Variants in CUX2 observed in about 807,000 individuals in gnomAD.
CUX2 encodes cut like homeobox 2.
In CUX2, 40 loss-of-function variants were observed where a neutral mutation model predicts 144.8. The ratio of observed to expected loss-of-function variants is 0.28; its 90% confidence interval spans 0.21 to 0.36. CUX2 has a LOEUF of 0.36. Ranked by LOEUF, CUX2 falls within the 10% of genes least tolerant of loss-of-function variation. CUX2 has a pLI of 1.00. For missense variants in CUX2, 1,615 were observed against 1,994.0 expected, an observed-to-expected ratio of 0.81 and a Z score of 3.62; for synonymous variants, 827 against 875.6, an observed-to-expected ratio of 0.94 and a Z score of 0.98.
rs775651760 is a variant in CUX2 at position 111,293,540 on chromosome 12, G to A, written c.531G>A (p.Leu177=). 1 of 1,594,746 alleles carries A rather than the reference G, an allele frequency of 6.3e-7. No individual in the cohort carries two copies. The highest frequency in any genetic ancestry group is 8.5e-7 in the Non-Finnish European group (1 of 1,172,504). ...GGAAAGCCCTCCTGACAGAAACCTTGCTGCAGAGAAATGAGGCGGAAAAAC... is the reference window on the plus strand; with the variant it reads ...GGAAAGCCCTCCTGACAGAAACCTTACTGCAGAGAAATGAGGCGGAAAAAC... ...IPGKALLTET[L]LQRNEAEKQK... The change falls in exon 6 of 22, where the codon TTG becomes TTA. Residue 177 remains leucine, a synonymous_variant. Transcript: ENST00000261726. This position sits in a 1 kb window ranked among gnomAD's most constrained non-coding sequence, Gnocchi z 4.5.
intron 1 of CUX2, among the ~76,000 whole-genome samples, chr12:111,119,896 A>G (rs570057123): frequency 8.5e-5 from 13 of 152,246 alleles, no homozygotes; most frequent in South Asian, 4.1e-4. Flanking sequence ...TGTCTCTACT[A>G]AAAATACAAA....
At chr12:111,089,395 C>CA (rs1213560613) in intron 1 of CUX2, among the ~76,000 whole-genome samples, 4 of 152,078 alleles carry the variant, frequency 2.6e-5, no homozygotes, top group African/African-American at 7.2e-5. Flanking sequence ...CTGTAGGGGA[C>CA]AAAAAATGCT....
At chr12:111,049,416 A>G (rs1870159711) in intron 1 of CUX2, among the ~76,000 whole-genome samples, 1 of 152,234 alleles carries the variant, frequency 6.6e-6, no homozygotes, top group African/African-American at 2.4e-5. Flanking sequence ...TAAAGATGAA[A>G]AGAAAGCAGT....
chr12:111,289,808 T>C lies in CUX2; in HGVS notation c.302-1610T>C, dbSNP rs1885577723. Reference sequence around the variant, plus strand: ...GGTCCACCGAGAAGCACACCAAGGATTACATGGGAGAGGATATTGGTGCAA... The same window carrying C: ...GGTCCACCGAGAAGCACACCAAGGACTACATGGGAGAGGATATTGGTGCAA... On this transcript the variant is annotated intron_variant, in intron 4 of 21. Transcript: ENST00000261726. The surrounding 1 kb of genome is among the most constrained non-coding windows in gnomAD (Gnocchi z 4.1). Among the ~76,000 whole-genome samples the C allele has an allele frequency of 7.0e-6, 1 of 143,364 alleles. No homozygotes were observed. Among genetic ancestry groups the C allele is most frequent in the Admixed American group, 7.1e-5 (1 of 14,088 alleles). 94.1% of individuals were successfully genotyped at this position (143,364 alleles called of 152,430 possible).
chr12:111,070,862 A>G (rs2136030286), intron 1 of CUX2, among the ~76,000 whole-genome samples: 1 of 152,276 alleles, frequency 6.6e-6, no homozygotes, highest in East Asian at 1.9e-4. Context: ...ATCATACAGT[A>G]TGTAGCCTTT....
At chr12:111,188,076 G>C (rs1879659401) in intron 1 of CUX2, among the ~76,000 whole-genome samples, 1 of 152,268 alleles carries the variant, frequency 6.6e-6, no homozygotes, top group South Asian at 2.1e-4. Flanking sequence ...ATCGATGACA[G>C]CTGAGTGGCA....
intron 1 of CUX2, among the ~76,000 whole-genome samples, chr12:111,156,120 T>C (rs1877357997): frequency 6.6e-6 from 1 of 152,126 alleles, no homozygotes; most frequent in Admixed American, 6.5e-5. Context: ...TTAATAGTCG[T>C]TCCAAATGAA....
chr12:111,138,768 C>T (rs1183106961), intron 1 of CUX2, among the ~76,000 whole-genome samples: 1 of 152,086 alleles, frequency 6.6e-6, no homozygotes, highest in African/African-American at 2.4e-5. Context: ...CCATCCCACC[C>T]TAGGGGCAGC....
intron 3 of CUX2, among the ~76,000 whole-genome samples, chr12:111,242,728 C>T (rs368710529): frequency 8.5e-5 from 13 of 152,230 alleles, no homozygotes; most frequent in East Asian, 5.8e-4. Flanking sequence ...GCAGGAGAAT[C>T]GCTTGAACCT....
At chr12:111,258,912 A>G (rs756230951) in intron 3 of CUX2, among the ~76,000 whole-genome samples, 4 of 152,040 alleles carry the variant, frequency 2.6e-5, no homozygotes, top group Admixed American at 6.6e-5. Context: ...TCCAGGCTAG[A>G]GTGCAGTGAC....
At chr12:111,050,670 C>CCAT (rs1870219957) in intron 1 of CUX2, among the ~76,000 whole-genome samples, 2 of 152,132 alleles carry the variant, frequency 1.3e-5, no homozygotes, top group Admixed American at 1.3e-4. Context: ...CTCCTGCATC[C>CCAT]CATCTCCTAC....
At chr12:111,106,023 C>T (rs1023282179) in intron 1 of CUX2, among the ~76,000 whole-genome samples, 2 of 151,990 alleles carry the variant, frequency 1.3e-5, no homozygotes, top group African/African-American at 4.8e-5. Context: ...TGCCACCACG[C>T]CTGGCTAATA....
chr12:111,160,848 G>A lies in CUX2; in HGVS notation c.64-53352G>A, dbSNP rs191895663. ...GATGGAATGAATGAAGATGACTCCC[G>A]GGCTCCTGGCCTGAACAGCTGGGTG... On this transcript the variant is annotated intron_variant, in intron 1 of 21. Coordinates refer to ENST00000261726, the MANE Select transcript of CUX2 (RefSeq NM_015267.4). This position sits in a 1 kb window ranked among gnomAD's most constrained non-coding sequence, Gnocchi z 4.1. Among the ~76,000 whole-genome samples, 138 of 152,276 alleles carry A rather than the reference G, an allele frequency of 9.1e-4. No individual in the cohort carries two copies. The highest frequency in any genetic ancestry group is 6.8e-3 in the Middle Eastern group (2 of 294).
chr12:111,204,812 T>G (rs1034955960), intron 1 of CUX2, among the ~76,000 whole-genome samples: 2 of 152,132 alleles, frequency 1.3e-5, no homozygotes, highest in Non-Finnish European at 2.9e-5. Flanking sequence ...TATGGGGCAG[T>G]TGTTATCCTG....
At chr12:111,347,389 T>C (rs552284074) in intron 21 of CUX2, 135 bp from the exon 22 acceptor site, 7 of 742,542 alleles carry the variant, frequency 9.4e-6, no homozygotes, top group African/African-American at 3.5e-5. Context: ...CTTAATAAGA[T>C]GGTGCAAGTA....
Position 111,289,454 on chromosome 12 carries a change from G to A in CUX2, c.302-1964G>A, listed in dbSNP as rs1043669188. ...AGCCTCCAGGGGATGCCGTGAGGAT[G>A]CTGGGAAGCCAGTCCTGTGCATGGG... On this transcript the variant is annotated intron_variant, in intron 4 of 21. Transcript: ENST00000261726. The surrounding 1 kb of genome is among the most constrained non-coding windows in gnomAD (Gnocchi z 4.1). Among the ~76,000 whole-genome samples, 7 of 152,186 alleles carry A rather than the reference G, an allele frequency of 4.6e-5. No individual in the cohort carries two copies. Among genetic ancestry groups the A allele is most frequent in the African/African-American group, 1.4e-4 (6 of 41,454 alleles).
At chr12:111,172,338 A>G (rs902301265) in intron 1 of CUX2, among the ~76,000 whole-genome samples, 2 of 152,230 alleles carry the variant, frequency 1.3e-5, no homozygotes, top group African/African-American at 4.8e-5. Context: ...GGGTTGAGGG[A>G]ACCAGCCACC....
At chr12:111,183,312 T>C (rs112150856) in intron 1 of CUX2, among the ~76,000 whole-genome samples, 3,791 of 152,324 alleles carry the variant, frequency 0.025, 176 homozygotes, top group African/African-American at 0.087. Context: ...CATTTGGGCC[T>C]CCAAGCCTGC....
At position 111,342,185 on chromosome 12, in the gene CUX2, A is replaced by G. The variant is rs369165931; in HGVS notation, c.3659+132A>G. On this transcript the variant is annotated intron_variant, in intron 21 of 21. Transcript: ENST00000261726. The stretch of plus-strand genomic sequence containing the variant: ...GACCCCATCACATAGGCACTTAGAT[A>G]TAGAACACAGGCCCAAGTGCAGTGG... The G allele has an allele frequency of 2.3e-5, 25 of 1,092,666 alleles. No homozygotes were observed. In the African/African-American group the frequency reaches 3.8e-4, roughly 17 times the overall value. The allele number at this position is 1,092,666 out of a possible 1,614,324, so 67.7% of individuals were successfully genotyped here.
Sources: gnomAD v4.1 joint callset for allele counts (sites outside exome capture counted in the v4.1 genomes callset) on GRCh38, gnomAD v4.1.1 for gene constraint, Gnocchi (gnomAD v3.1) non-coding constraint, MANE v1.5 for transcripts, NCBI Gene and HGNC (gene_info 2026-07-23, HGNC 2026-07-21) for gene names.